PHACTR3: variants seen among roughly 807,000 people sequenced by gnomAD.
PHACTR3 encodes phosphatase and actin regulator 3, also known as protein phosphatase 1, regulatory subunit 123.
Under a neutral mutation model 66.8 loss-of-function variants are expected in PHACTR3, and 16 were observed. The observed-to-expected ratio is 0.24, with a 90% CI of 0.16 to 0.36. The LOEUF (loss-of-function observed/expected upper bound fraction) is 0.36. Among genes scored for constraint, PHACTR3 ranks in the 10% least tolerant of loss-of-function variants. The pLI is 1.00. For missense variants in PHACTR3, 647 were observed against 719.9 expected (o/e 0.90, Z 1.16); for synonymous variants, 323 against 292.1 (o/e 1.11, Z -1.08).
At position 59,785,318 on chromosome 20, in the gene PHACTR3, C is replaced by T. The variant is rs571248500; in HGVS notation, c.1174+10828C>T. 2.0e-5 allele frequency among the ~76,000 whole-genome samples: 3 copies of T among 152,260 alleles called. No individual in the cohort carries two copies. The South Asian group carries it at 6.2e-4, about 32-fold the overall frequency. On this transcript the variant is annotated intron_variant, in intron 7 of 12. Transcript: ENST00000371015. ...TGTTTCCTCTACAGGGACACCAGTTCCATCAGATCAGGGCCCCGCTCTTGC... is the reference window on the plus strand; with the variant it reads ...TGTTTCCTCTACAGGGACACCAGTTTCATCAGATCAGGGCCCCGCTCTTGC...
At chr20:59,761,672 G>A (rs953075562) in intron 4 of PHACTR3, among the ~76,000 whole-genome samples, 1 of 152,218 alleles carries the variant, frequency 6.6e-6, no homozygotes, top group African/African-American at 2.4e-5. Context: ...AACAGAAAAG[G>A]TTTATCAGCC....
intron 3 of PHACTR3, among the ~76,000 whole-genome samples, chr20:59,753,067 A>C (rs964904106): frequency 2.6e-5 from 4 of 152,088 alleles, no homozygotes; most frequent in African/African-American, 9.7e-5. Flanking sequence ...TGTTATAGCC[A>C]AGGGTCAAAT....
At chr20:59,749,498 C>A (rs2039499621) in intron 3 of PHACTR3, among the ~76,000 whole-genome samples, 1 of 152,216 alleles carries the variant, frequency 6.6e-6, no homozygotes, top group South Asian at 2.1e-4. Context: ...CGCGGCCAGG[C>A]TGACAGTGTG....
intron 2 of PHACTR3, among the ~76,000 whole-genome samples, chr20:59,746,937 A>T (rs1245245368): frequency 6.6e-6 from 1 of 152,098 alleles, no homozygotes; most frequent in African/African-American, 2.4e-5. Context: ...GCCCTTGCAA[A>T]GCTGCATCTT....
At chr20:59,753,371 G>C (rs2039670795) in intron 3 of PHACTR3, among the ~76,000 whole-genome samples, 3 of 152,150 alleles carry the variant, frequency 2.0e-5, no homozygotes, top group Admixed American at 6.5e-5. Context: ...GTGTGCGGCA[G>C]AGGGAATATG....
At chr20:59,782,033 T>G (rs184158456) in intron 7 of PHACTR3, among the ~76,000 whole-genome samples, 1 of 152,236 alleles carries the variant, frequency 6.6e-6, no homozygotes, top group Admixed American at 6.5e-5. Context: ...CCTCAAGGAT[T>G]CTAAGGAGAA....
At chr20:59,674,022 G>C (rs914990076) in intron 1 of PHACTR3, among the ~76,000 whole-genome samples, 1 of 152,112 alleles carries the variant, frequency 6.6e-6, no homozygotes, top group African/African-American at 2.4e-5. Context: ...GCCTGCCCGA[G>C]GAGTCGAGCT....
In PHACTR3 at chr20:59,788,892, A is replaced by G. The variant is rs918862272; in HGVS notation, c.1174+14402A>G. Among the ~76,000 whole-genome samples the G allele has an allele frequency of 8.5e-5, 13 of 152,270 alleles. No individual in the cohort carries two copies. The East Asian group carries it at 2.3e-3, about 27-fold the overall frequency. Reference sequence around the variant, plus strand: ...ACTCATTCAGAAAAGATGTGCCATGATGTATGTGTCAGGCATGGCAGGGAG... The same window carrying G: ...ACTCATTCAGAAAAGATGTGCCATGGTGTATGTGTCAGGCATGGCAGGGAG... On this transcript the variant is annotated intron_variant, in intron 7 of 12. Coordinates refer to ENST00000371015, the MANE Select transcript of PHACTR3 (RefSeq NM_080672.5).
chr20:59,819,638 G>T (rs989227553), intron 8 of PHACTR3, among the ~76,000 whole-genome samples: 6 of 152,154 alleles, frequency 3.9e-5, no homozygotes, highest in African/African-American at 1.4e-4. Context: ...CCCGTGTGTG[G>T]CCTGGTTGGG....
intron 7 of PHACTR3, among the ~76,000 whole-genome samples, chr20:59,804,179 C>G (rs1382413326): frequency 4.6e-5 from 7 of 152,172 alleles, no homozygotes; most frequent in Non-Finnish European, 8.8e-5. Context: ...TTGTTGTGGT[C>G]CTACTGTGTA....
chr20:59,697,080 T>C (rs973113826), intron 1 of PHACTR3, among the ~76,000 whole-genome samples: 1 of 152,144 alleles, frequency 6.6e-6, no homozygotes, highest in Non-Finnish European at 1.5e-5. Flanking sequence ...CCTGCAAGCA[T>C]TGGCCCCTTT....
At chr20:59,791,228 C>T (rs1043875352) in intron 7 of PHACTR3, among the ~76,000 whole-genome samples, 4 of 152,152 alleles carry the variant, frequency 2.6e-5, no homozygotes, top group African/African-American at 9.7e-5. Flanking sequence ...GTCTGGCCCT[C>T]TCTCAGCCTC....
intron 1 of PHACTR3, among the ~76,000 whole-genome samples, chr20:59,686,260 G>A (rs75666174): frequency 0.032 from 4,882 of 152,304 alleles, 113 homozygotes; most frequent in Middle Eastern, 0.065. Context: ...AACTGCCCAC[G>A]TGTGGTCTTG....
chr20:59,808,622 A>C (rs1192035071), intron 8 of PHACTR3, among the ~76,000 whole-genome samples: 1 of 152,216 alleles, frequency 6.6e-6, no homozygotes, highest in Non-Finnish European at 1.5e-5. Flanking sequence ...CCGGAGCGCC[A>C]GTGCCTCTGT....
At chr20:59,782,135 T>A (rs747951607) in intron 7 of PHACTR3, among the ~76,000 whole-genome samples, 4 of 152,172 alleles carry the variant, frequency 2.6e-5, no homozygotes, top group African/African-American at 4.8e-5. Context: ...GAGGGCTGGG[T>A]CGGGAGTTGA....
intron 1 of PHACTR3, among the ~76,000 whole-genome samples, chr20:59,659,623 A>C (rs1377085770): frequency 6.6e-6 from 1 of 152,066 alleles, no homozygotes; most frequent in Non-Finnish European, 1.5e-5. Context: ...TGCCTGCCTC[A>C]GCCTCCCAAA....
chr20:59,759,243 C>T (rs939785088), intron 4 of PHACTR3, among the ~76,000 whole-genome samples: 3 of 152,192 alleles, frequency 2.0e-5, no homozygotes, highest in Admixed American at 2.0e-4. Flanking sequence ...CCAGGGACAT[C>T]GGTCACCTCC....
At chr20:59,703,361 G>A (rs375795375) in intron 1 of PHACTR3, among the ~76,000 whole-genome samples, 27 of 152,246 alleles carry the variant, frequency 1.8e-4, no homozygotes, top group African/African-American at 2.2e-4. Context: ...TAGTCGTATC[G>A]TTGTCTCATA....
chr20:59,784,520 G>A (rs2040839784), intron 7 of PHACTR3, among the ~76,000 whole-genome samples: 1 of 152,114 alleles, frequency 6.6e-6, no homozygotes, highest in African/African-American at 2.4e-5. Context: ...TCAAGGTAAA[G>A]GCTTTCCACA....
Sources: gnomAD v4.1 joint callset for allele counts (sites outside exome capture counted in the v4.1 genomes callset) on GRCh38, gnomAD v4.1.1 for gene constraint, MANE v1.5 for transcripts, NCBI Gene and HGNC (gene_info 2026-07-23, HGNC 2026-07-21) for gene names.